CPLX1: variants seen among roughly 807,000 people sequenced by gnomAD.
CPLX1 encodes the protein complexin 1.
CPLX1 carries 6 observed loss-of-function variants against 15.6 expected under a neutral mutation model. That is an observed-to-expected ratio of 0.39 (90% CI 0.21 to 0.76). CPLX1 has a LOEUF of 0.76. CPLX1 is among the 30% of genes least tolerant of loss of function. The pLI, the probability that CPLX1 is intolerant of heterozygous loss-of-function variation, is 0.43. For missense variants in CPLX1, 242 were observed against 188.6 expected (o/e 1.28, Z -1.66); for synonymous variants, 91 against 75.2 (o/e 1.21, Z -1.08).
intron 2 of CPLX1, among the ~76,000 whole-genome samples, chr4:813,079 A>G (rs1746691975): frequency 6.6e-6 from 1 of 152,010 alleles, no homozygotes; most frequent in African/African-American, 2.4e-5. Context: ...AGCCTGGCCA[A>G]CATGGTGAAA....
chr4:787,943 G>C (rs1424975828), intron 3 of CPLX1: 1 of 985,262 alleles, frequency 1.0e-6, no homozygotes, highest in South Asian at 4.7e-5. Context: ...TCCATCCCCT[G>C]AACAGGACCC....
At chr4:812,720 C>T (rs1308603006) in intron 2 of CPLX1, among the ~76,000 whole-genome samples, 1 of 152,106 alleles carries the variant, frequency 6.6e-6, no homozygotes, top group Admixed American at 6.5e-5. Flanking sequence ...AATCCCAGCA[C>T]GTTCCTAATG....
intron 2 of CPLX1, among the ~76,000 whole-genome samples, chr4:821,481 C>T (rs998240231): frequency 7.9e-5 from 12 of 152,192 alleles, no homozygotes; most frequent in East Asian, 1.9e-4. Flanking sequence ...CACATCAAGG[C>T]GGAGGATGGG....
chr4:822,113 GTC>G, intron 2 of CPLX1, among the ~76,000 whole-genome samples: 1 of 97,292 alleles, frequency 1.0e-5, no homozygotes, highest in Non-Finnish European at 2.3e-5. Flanking sequence ...CTCTCCCTCT[GTC>G]TCTGTCTCTC....
intron 3 of CPLX1, chr4:787,502 G>A (rs1230636422): frequency 1.1e-5 from 8 of 707,340 alleles, no homozygotes; most frequent in Non-Finnish European, 1.4e-5. Context: ...TCCTGGATTT[G>A]AGGGGCCTCA....
In CPLX1 at chr4:785,475, C is replaced by T. The variant is rs1283191685; in HGVS notation, c.*1026G>A. The T allele has an allele frequency of 1.3e-5, 2 of 152,560 alleles. No individual in the cohort carries two copies. The highest frequency in any genetic ancestry group is 2.9e-5 in the Non-Finnish European group (2 of 68,036). 9.5% of individuals were successfully genotyped at this position (152,560 alleles called of 1,614,324 possible). The stretch of plus-strand genomic sequence containing the variant: ...AGGCGGCGCCTGTCAAGATAAAACT[C>T]ATTAAATGCAAAGACCTCATTTACC... On this transcript the variant is annotated 3_prime_UTR_variant, in exon 4 of 4. Transcript: ENST00000304062.
intron 3 of CPLX1, chr4:787,801 G>A (rs759874643): frequency 5.1e-6 from 5 of 985,210 alleles, no homozygotes; most frequent in Non-Finnish European, 4.8e-6. Flanking sequence ...TGAGCCACCA[G>A]CCCAGGAAGC....
At position 786,178 on chromosome 4, in the gene CPLX1, G is replaced by A; in HGVS notation, c.*323C>T. On this transcript the variant is annotated 3_prime_UTR_variant, in exon 4 of 4. Transcript: ENST00000304062. ...CAGGCGCCCACCGCCGCGAACGCGC[G>A]CACAGGGGTGGTCGCGGGGCTGCCC... 1 of 200,472 alleles carries A rather than the reference G, an allele frequency of 5.0e-6. No homozygotes were observed. Among genetic ancestry groups the A allele is most frequent in the African/African-American group, 2.3e-5 (1 of 43,298 alleles). The allele number at this position is 200,472 out of a possible 1,614,324, so 12.4% of individuals were successfully genotyped here.
rs774713077 is a variant in CPLX1, at chr4:792,606, C to A, written c.34G>T (p.Ala12Ser). The stretch of plus-strand genomic sequence containing the variant: ...AGCATCTTCCCCATGTCCTTGGTGG[C>A]CCCTGGTACAGAAGTTGGTGATTCA... ...EFVMKQALGG[A>S]TKDMGKMLGG... The change falls in exon 3 of 4, where the codon GCC (alanine) becomes TCC (serine). Residue 12 changes from alanine (A) to serine (S), a missense_variant and splice_region_variant. Physicochemically the swap from Ala to Ser is moderately conservative, Grantham distance 99. Transcript: ENST00000304062. The A allele has an allele frequency of 6.8e-6, 11 of 1,611,216 alleles. No individual in the cohort carries two copies. The East Asian group carries it at 2.0e-4, about 30-fold the overall frequency.
At chr4:821,674 C>T (rs535625274) in intron 2 of CPLX1, among the ~76,000 whole-genome samples, 1 of 152,292 alleles carries the variant, frequency 6.6e-6, no homozygotes, top group Non-Finnish European at 1.5e-5. Context: ...GATCCGGACC[C>T]ACGTGTTGTG....
intron 2 of CPLX1, among the ~76,000 whole-genome samples, chr4:822,402 C>T (rs1427165996): frequency 2.6e-5 from 4 of 151,036 alleles, no homozygotes; most frequent in Non-Finnish European, 5.9e-5. Flanking sequence ...TCTCTGTCTC[C>T]GTCTCTCCCT....
chr4:796,838 A>T (rs886092537), intron 2 of CPLX1, among the ~76,000 whole-genome samples: 2 of 152,198 alleles, frequency 1.3e-5, no homozygotes, highest in Non-Finnish European at 2.9e-5. Flanking sequence ...CAGGACAGAC[A>T]CCTGAAGGAA....
chr4:792,704 C>G, intron 2 of CPLX1, 96 bp from the exon 3 acceptor site: 1 of 1,373,380 alleles, frequency 7.3e-7, no homozygotes, highest in Non-Finnish European at 9.9e-7. Context: ...GCCGACCCCC[C>G]AAACCCTCCA....
At chr4:800,037 G>A (rs1314464917) in intron 2 of CPLX1, among the ~76,000 whole-genome samples, 1 of 152,128 alleles carries the variant, frequency 6.6e-6, no homozygotes, top group Non-Finnish European at 1.5e-5. Flanking sequence ...GGAGGGGGCA[G>A]CCTTGTGGGA....
intron 2 of CPLX1, among the ~76,000 whole-genome samples, chr4:793,131 T>C (rs1746235479): frequency 6.6e-6 from 1 of 152,220 alleles, no homozygotes; most frequent in African/African-American, 2.4e-5. Context: ...GGTTGAAGCG[T>C]CTTCTCTGGT....
intron 2 of CPLX1, among the ~76,000 whole-genome samples, chr4:822,891 C>A (rs1746898889): frequency 6.6e-6 from 1 of 152,154 alleles, no homozygotes; most frequent in South Asian, 2.1e-4. Context: ...TCTGCAAAGC[C>A]AATGTGGGGT....
At chr4:802,623 A>C (rs1164262613) in intron 2 of CPLX1, among the ~76,000 whole-genome samples, 2 of 152,226 alleles carry the variant, frequency 1.3e-5, no homozygotes, top group Non-Finnish European at 2.9e-5. Context: ...TAACCCTTCA[A>C]CTGAAGAGGA....
intron 2 of CPLX1, among the ~76,000 whole-genome samples, chr4:816,804 A>G (rs1746765890): frequency 6.6e-6 from 1 of 152,336 alleles, no homozygotes; most frequent in Non-Finnish European, 1.5e-5. Flanking sequence ...CCTGGGCGAC[A>G]GAGCGAGACC....
chr4:790,368 T>C (rs1448721807), intron 3 of CPLX1, among the ~76,000 whole-genome samples: 2 of 152,126 alleles, frequency 1.3e-5, no homozygotes, highest in Non-Finnish European at 2.9e-5. Flanking sequence ...CAGCTCCCCA[T>C]AGGCCTGACC....
Sources: allele counts gnomAD v4.1 joint callset (sites outside exome capture counted in the v4.1 genomes callset), GRCh38; gene constraint gnomAD v4.1.1; transcripts MANE v1.5; gene names NCBI Gene and HGNC (gene_info 2026-07-23, HGNC 2026-07-21).